Variants in CAB39 observed in about 807,000 individuals in gnomAD.
CAB39 encodes calcium binding protein 39.
Under a neutral mutation model 40.0 loss-of-function variants are expected in CAB39, and 8 were observed. The ratio of observed to expected loss-of-function variants is 0.20; its 90% CI spans 0.12 to 0.36. The LOEUF is 0.36. Among genes scored for constraint, CAB39 ranks in the 10% least tolerant of loss-of-function variants. The pLI is 1.00. For synonymous variants in CAB39, 156 were observed against 141.6 expected (o/e 1.10, Z -0.72); for missense variants, 270 against 401.1 (o/e 0.67, Z 2.79).
chr2:230,725,157 C>G (rs1326679620), intron 1 of CAB39: 10 of 1,613,178 alleles, frequency 6.2e-6, no homozygotes, highest in Non-Finnish European at 8.5e-6. Flanking sequence ...AAGAAGGCGT[C>G]GCACCACTCT....
intron 1 of CAB39, among the ~76,000 whole-genome samples, chr2:230,715,758 A>C (rs768785559): frequency 1.3e-5 from 2 of 152,236 alleles, no homozygotes; most frequent in Non-Finnish European, 2.9e-5. Context: ...GCCGGAGTGC[A>C]GTGGTGCGAA....
At chr2:230,759,532 C>CTCAA (rs1425798160) in intron 1 of CAB39, among the ~76,000 whole-genome samples, 1 of 152,198 alleles carries the variant, frequency 6.6e-6, no homozygotes, top group African/African-American at 2.4e-5. Context: ...GAGCCTCACG[C>CTCAA]TCAACCTTGC....
intron 1 of CAB39, among the ~76,000 whole-genome samples, chr2:230,732,632 G>A (rs1379368113): frequency 6.6e-6 from 1 of 152,118 alleles, no homozygotes. Flanking sequence ...ATGAATCAGG[G>A]TAAAATCGCT....
intron 5 of CAB39, among the ~76,000 whole-genome samples, chr2:230,803,595 A>G (rs1212857764): frequency 2.0e-5 from 3 of 152,226 alleles, no homozygotes; most frequent in Non-Finnish European, 4.4e-5. Context: ...AATCACAAGC[A>G]TTCTTATACA....
intron 1 of CAB39, among the ~76,000 whole-genome samples, chr2:230,729,778 T>C (rs1694654678): frequency 6.6e-6 from 1 of 151,878 alleles, no homozygotes; most frequent in African/African-American, 2.4e-5. Flanking sequence ...GATGGTTTTA[T>C]ACCACATAAA....
chr2:230,786,599 T>G (rs1695798614), intron 2 of CAB39, among the ~76,000 whole-genome samples: 1 of 152,214 alleles, frequency 6.6e-6, no homozygotes, highest in Admixed American at 6.5e-5. Context: ...AATTCAAATT[T>G]GAAAATCATA....
intron 1 of CAB39, among the ~76,000 whole-genome samples, chr2:230,732,938 G>A (rs990960576): frequency 6.6e-6 from 1 of 152,154 alleles, no homozygotes; most frequent in Non-Finnish European, 1.5e-5. Flanking sequence ...TGCCAAGAGA[G>A]ACTTCTTTAC....
At chr2:230,806,266 T>G (rs1281283467) in intron 5 of CAB39, among the ~76,000 whole-genome samples, 2 of 151,966 alleles carry the variant, frequency 1.3e-5, no homozygotes, top group Non-Finnish European at 2.9e-5. Context: ...AATGGGGAAG[T>G]CAGACTGCGG....
intron 2 of CAB39, among the ~76,000 whole-genome samples, chr2:230,783,229 AC>A (rs1695725045): frequency 1.3e-5 from 2 of 152,076 alleles, no homozygotes; most frequent in South Asian, 4.1e-4. Context: ...GCACACTGAG[AC>A]CCAAGCTCTG....
At chr2:230,792,284 C>T (rs1695905459) in intron 3 of CAB39, among the ~76,000 whole-genome samples, 1 of 152,150 alleles carries the variant, frequency 6.6e-6, no homozygotes, top group African/African-American at 2.4e-5. Context: ...TCTGCCTCCA[C>T]CCGACCTGGA....
intron 5 of CAB39, among the ~76,000 whole-genome samples, chr2:230,800,559 T>C (rs923547272): frequency 6.6e-6 from 1 of 152,168 alleles, no homozygotes; most frequent in Non-Finnish European, 1.5e-5. Flanking sequence ...GTATGTCCCA[T>C]TCAGAAGTAG....
At chr2:230,735,412 C>A (rs1331141704) in intron 1 of CAB39, among the ~76,000 whole-genome samples, 1 of 152,200 alleles carries the variant, frequency 6.6e-6, no homozygotes, top group Non-Finnish European at 1.5e-5. Flanking sequence ...AGTGATCCGT[C>A]CGCCTCGGCC....
chr2:230,793,695 A>G (rs1695928720), intron 4 of CAB39, among the ~76,000 whole-genome samples: 1 of 152,246 alleles, frequency 6.6e-6, no homozygotes, highest in East Asian at 1.9e-4. Context: ...TCCTTTGGAC[A>G]TAATACGCAC....
chr2:230,793,706 G>T (rs1006476766), intron 4 of CAB39, among the ~76,000 whole-genome samples: 1 of 152,140 alleles, frequency 6.6e-6, no homozygotes, highest in Non-Finnish European at 1.5e-5. Flanking sequence ...TAATACGCAC[G>T]CTGTAAGGCA....
intron 2 of CAB39, among the ~76,000 whole-genome samples, chr2:230,778,539 C>T (rs531621179): frequency 8.5e-5 from 13 of 152,258 alleles, no homozygotes; most frequent in African/African-American, 3.1e-4. Flanking sequence ...ACGAAACCTC[C>T]TGAGGTTTTG....
intron 2 of CAB39, among the ~76,000 whole-genome samples, chr2:230,775,518 A>G (rs368413610): frequency 3.4e-4 from 52 of 152,224 alleles, no homozygotes; most frequent in African/African-American, 1.2e-3. Context: ...ACAGGCATGA[A>G]CCACCACACC....
At chr2:230,715,737 C>T (rs1420182587) in intron 1 of CAB39, among the ~76,000 whole-genome samples, 2 of 152,186 alleles carry the variant, frequency 1.3e-5, no homozygotes, top group African/African-American at 2.4e-5. Context: ...GGTTCTCACT[C>T]GGTCGCTCAG....
intron 4 of CAB39, among the ~76,000 whole-genome samples, chr2:230,796,393 A>G (rs997034790): frequency 6.6e-6 from 1 of 151,834 alleles, no homozygotes; most frequent in Non-Finnish European, 1.5e-5. Flanking sequence ...TGTTCACTCT[A>G]GTGCTCACAG....
At chr2:230,730,540 G>A (rs1008272064) in intron 1 of CAB39, among the ~76,000 whole-genome samples, 14 of 151,530 alleles carry the variant, frequency 9.2e-5, no homozygotes, top group African/African-American at 3.4e-4. Context: ...CGCCTCCTGG[G>A]TTCAAGTGAT....
Sources: allele counts gnomAD v4.1 joint callset (sites outside exome capture counted in the v4.1 genomes callset), GRCh38; gene constraint gnomAD v4.1.1; transcripts MANE v1.5; gene names NCBI Gene and HGNC (gene_info 2026-07-23, HGNC 2026-07-21).